Variants in ZNF730 observed in about 807,000 individuals in gnomAD.
ZNF730 encodes putative zinc finger protein 730.
A neutral mutation model predicts 12.6 loss-of-function variants in ZNF730; 12 were observed. That is an observed-to-expected ratio of 0.95 (90% CI 0.61 to 1.54). The LOEUF is 1.54. Among genes scored for constraint, ZNF730 ranks in the 40% most tolerant of loss-of-function variants. ZNF730 has a pLI of 0.00. For synonymous variants in ZNF730, 194 were observed against 195.8 expected (o/e 0.99, Z 0.08); for missense variants, 643 against 583.5 (o/e 1.10, Z -1.05).
intron 1 of ZNF730, among the ~76,000 whole-genome samples, chr19:23,102,759 G>A (rs986564983): frequency 6.6e-6 from 1 of 152,092 alleles, no homozygotes; most frequent in Admixed American, 6.5e-5. Context: ...GCCTCGCAAA[G>A]TTCTGGGATT....
chr19:23,096,781 A>C (rs1290103682), intron 1 of ZNF730, among the ~76,000 whole-genome samples: 1 of 152,206 alleles, frequency 6.6e-6, no homozygotes, highest in Non-Finnish European at 1.5e-5. Context: ...TTGGCCAAGC[A>C]GGGCTGTGAT....
chr19:23,141,405 A>C (rs1344025425), intron 3 of ZNF730, among the ~76,000 whole-genome samples: 1 of 152,088 alleles, frequency 6.6e-6, no homozygotes, highest in Non-Finnish European at 1.5e-5. Context: ...AAAAAAAAAA[A>C]AACAATTTTA....
chr19:23,113,980 A>G (rs1970484525), upstream of ZNF730, among the ~76,000 whole-genome samples: 1 of 151,524 alleles, frequency 6.6e-6, no homozygotes, highest in Admixed American at 6.6e-5. Flanking sequence ...TAGTAAACTG[A>G]AACCTAACTG....
At chr19:23,123,086 G>A (rs1970619683) in intron 1 of ZNF730, 1 of 152,078 alleles carries the variant, frequency 6.6e-6, no homozygotes, top group Non-Finnish European at 1.5e-5. Flanking sequence ...TAAACATAAT[G>A]GGCTATGTGA....
intron 1 of ZNF730, among the ~76,000 whole-genome samples, chr19:23,104,238 G>A (rs1215678589): frequency 6.7e-6 from 1 of 150,278 alleles, no homozygotes; most frequent in African/African-American, 2.5e-5. Context: ...GGAGGCGGAG[G>A]TTGCAGTGAG....
chr19:23,140,643 C>G (rs1208998958), intron 3 of ZNF730, among the ~76,000 whole-genome samples: 1 of 148,960 alleles, frequency 6.7e-6, no homozygotes, highest in Non-Finnish European at 1.5e-5. Flanking sequence ...AACATATAAC[C>G]TAAAATTTAC....
intron 1 of ZNF730, among the ~76,000 whole-genome samples, chr19:23,124,971 G>T (rs1459217247): frequency 6.6e-6 from 1 of 152,174 alleles, no homozygotes; most frequent in Non-Finnish European, 1.5e-5. Context: ...CCAGATGGAG[G>T]TGATTAAATT....
chr19:23,094,523 C>T (rs1034275544), intron 1 of ZNF730, among the ~76,000 whole-genome samples: 3 of 152,044 alleles, frequency 2.0e-5, no homozygotes, highest in Non-Finnish European at 4.4e-5. Flanking sequence ...ACTCTTGTCA[C>T]CCAGGCTGGG....
chr19:23,093,652 T>G (rs1205557118), intron 1 of ZNF730, among the ~76,000 whole-genome samples: 1 of 152,140 alleles, frequency 6.6e-6, no homozygotes, highest in Admixed American at 6.5e-5. Context: ...GCAGGCTCCA[T>G]CCCAGGTAAG....
At chr19:23,114,679 C>G (rs989749168), upstream of ZNF730, among the ~76,000 whole-genome samples, 1 of 151,978 alleles carries the variant, frequency 6.6e-6, no homozygotes, top group East Asian at 1.9e-4. Context: ...TAGAAGTTTT[C>G]AAATGTATTC....
At chr19:23,082,445 C>G (rs762868239) in intron 1 of ZNF730, among the ~76,000 whole-genome samples, 4 of 151,432 alleles carry the variant, frequency 2.6e-5, no homozygotes, top group Non-Finnish European at 5.9e-5. Context: ...CTCCCAGGTT[C>G]AAGCAATTCT....
At chr19:23,111,494 C>T (rs1482477872) in intron 1 of ZNF730, among the ~76,000 whole-genome samples, 1 of 152,138 alleles carries the variant, frequency 6.6e-6, no homozygotes, top group Non-Finnish European at 1.5e-5. Context: ...TGCCTGTAAT[C>T]CCAGCAGTTT....
At chr19:23,121,427 C>A (rs772208146) in intron 1 of ZNF730, among the ~76,000 whole-genome samples, 2 of 152,262 alleles carry the variant, frequency 1.3e-5, no homozygotes, top group Admixed American at 1.3e-4. Flanking sequence ...CAACCTCCGC[C>A]TCCCAGGTTC....
chr19:23,117,230 G>C, intron 1 of ZNF730, 54 bp downstream of exon 1: 1 of 1,613,162 alleles, frequency 6.2e-7, no homozygotes, highest in Non-Finnish European at 8.5e-7. Context: ...GTTGGAACCG[G>C]TGGGAAGCGG....
At chr19:23,134,596 TGG>T (rs71163450) in intron 2 of ZNF730, among the ~76,000 whole-genome samples, 1,653 of 109,166 alleles carry the variant, frequency 0.015, 35 homozygotes, top group East Asian at 0.047. Context: ...TCCTGGAGGG[TGG>T]GGGGGGGGGT....
intron 1 of ZNF730, among the ~76,000 whole-genome samples, chr19:23,083,210 G>A (rs1184464474): frequency 6.6e-6 from 1 of 152,004 alleles, no homozygotes; most frequent in Non-Finnish European, 1.5e-5. Flanking sequence ...CTGATCACGA[G>A]GTCAGGAGTT....
At chr19:23,094,190 C>T (rs1568303580) in intron 1 of ZNF730, among the ~76,000 whole-genome samples, 2 of 151,986 alleles carry the variant, frequency 1.3e-5, no homozygotes, top group Non-Finnish European at 2.9e-5. Flanking sequence ...TTTGTTTCCA[C>T]AGTACATTGA....
At chr19:23,117,022 G>A (rs1189755217), upstream of ZNF730, 5 of 1,181,202 alleles carry the variant, frequency 4.2e-6, no homozygotes, top group East Asian at 3.8e-5. Flanking sequence ...GGGATTTGGC[G>A]CGGCCTTTGT....
At chr19:23,105,793 C>A (rs1404569755) in intron 1 of ZNF730, among the ~76,000 whole-genome samples, 1 of 152,048 alleles carries the variant, frequency 6.6e-6, no homozygotes, top group Non-Finnish European at 1.5e-5. Flanking sequence ...TAGGTATAAA[C>A]CAGTTGCTTT....
Sources: gnomAD v4.1 joint callset for allele counts (sites outside exome capture counted in the v4.1 genomes callset) on GRCh38, gnomAD v4.1.1 for gene constraint, MANE v1.5 for transcripts, NCBI Gene and HGNC (gene_info 2026-07-23, HGNC 2026-07-21) for gene names.